Variants in SLC22A25 observed in about 807,000 individuals in gnomAD.
SLC22A25 encodes MGI:2442751, MGI:2385316, MGI:3042283, MGI:3645714, MGI:3605624, MGI:2442750.
In SLC22A25, 44 loss-of-function variants were observed where a neutral mutation model predicts 45.9. The observed-to-expected ratio is 0.96, with a 90% CI of 0.75 to 1.23. The LOEUF (loss-of-function observed/expected upper bound fraction) is 1.23. SLC22A25 is among the 50% of genes most tolerant of loss of function. The pLI, the probability that SLC22A25 is intolerant of heterozygous loss-of-function variation, is 0.00. For synonymous variants in SLC22A25, 283 were observed against 238.6 expected, an observed-to-expected ratio of 1.19 and a Z score of -1.72; for missense variants, 800 against 666.4, an observed-to-expected ratio of 1.20 and a Z score of -2.21.
chr11:63,210,261 G>C (rs775710574), intron 7 of SLC22A25, among the ~76,000 whole-genome samples: 1 of 152,092 alleles, frequency 6.6e-6, no homozygotes, highest in Admixed American at 6.6e-5. Context: ...AACAAACAAA[G>C]TATACATAAA....
At chr11:63,189,332 T>C (rs1291920889) in intron 7 of SLC22A25, among the ~76,000 whole-genome samples, 2 of 152,168 alleles carry the variant, frequency 1.3e-5, no homozygotes, top group African/African-American at 4.8e-5. Context: ...TCATTGTTGG[T>C]TTAAAGTCTG....
intron 7 of SLC22A25, among the ~76,000 whole-genome samples, chr11:63,187,276 G>C (rs1363028418): frequency 6.6e-6 from 1 of 152,110 alleles, no homozygotes; most frequent in African/African-American, 2.4e-5. Context: ...TTGTAAGTTG[G>C]ATTCCTAGGT....
chr11:63,190,528 A>C (rs1344881542), intron 7 of SLC22A25, among the ~76,000 whole-genome samples: 1 of 151,916 alleles, frequency 6.6e-6, no homozygotes, highest in African/African-American at 2.4e-5. Context: ...GATCATCTGA[A>C]GCCTTCTTCT....
chr11:63,197,894 C>A (rs1330105414), intron 7 of SLC22A25, among the ~76,000 whole-genome samples: 1 of 151,536 alleles, frequency 6.6e-6, no homozygotes, highest in Admixed American at 6.6e-5. Flanking sequence ...ATGAAACAAC[C>A]CCGTCAAAAA....
chr11:63,228,616 C>G (rs944378049), intron 4 of SLC22A25, 52 bp from the exon 5 acceptor site: 2 of 1,370,876 alleles, frequency 1.5e-6, no homozygotes, highest in Non-Finnish European at 2.0e-6. Context: ...TCAGTGTAAC[C>G]TTATCAAAAT....
intron 7 of SLC22A25, among the ~76,000 whole-genome samples, chr11:63,211,018 G>A (rs527355607): frequency 2.6e-5 from 4 of 152,224 alleles, no homozygotes; most frequent in Admixed American, 2.6e-4. Context: ...AAGGGCTGAG[G>A]AGTGGCAGCT....
intron 9 of SLC22A25, among the ~76,000 whole-genome samples, chr11:63,179,429 A>G (rs1330340740): frequency 6.6e-6 from 1 of 152,140 alleles, no homozygotes; most frequent in African/African-American, 2.4e-5. Context: ...CAGCCCAGAT[A>G]GAGATTCTGG....
intron 9 of SLC22A25, among the ~76,000 whole-genome samples, chr11:63,171,395 A>G (rs1413723193): frequency 6.6e-6 from 1 of 152,190 alleles, no homozygotes; most frequent in African/African-American, 2.4e-5. Context: ...ACATGATTGT[A>G]TATTTAGAAA....
chr11:63,230,267 G>A (rs559625633), intron 3 of SLC22A25, among the ~76,000 whole-genome samples, 171 bp from the exon 4 acceptor site: 2 of 152,350 alleles, frequency 1.3e-5, no homozygotes, highest in East Asian at 3.9e-4. Flanking sequence ...CACACTGGAA[G>A]TAAATTACTT....
chr11:63,209,268 G>T lies in SLC22A25; in HGVS notation c.830+8046C>A, dbSNP rs372675337. On this transcript the variant is annotated intron_variant, in intron 7 of 11. Coordinates refer to ENST00000306494, the MANE Select transcript of SLC22A25 (RefSeq NM_199352.6). ...TAGAGGGATACTGCAAGGCATTAGT[G>T]GCTCGGGCACCCAACCAAAGAAAGC... Among the ~76,000 whole-genome samples, 71 of 152,220 alleles carry T rather than the reference G, an allele frequency of 4.7e-4. 1 individual carries two copies. The South Asian group carries it at 0.014, about 31-fold the overall frequency.
intron 7 of SLC22A25, among the ~76,000 whole-genome samples, chr11:63,215,533 TAACA>T (rs1402882700): frequency 6.6e-6 from 1 of 152,182 alleles, no homozygotes. Flanking sequence ...TATATCTGTG[TAACA>T]AACCTGCACG....
chr11:63,195,279 A>G (rs1372724606), intron 7 of SLC22A25, among the ~76,000 whole-genome samples: 1 of 152,098 alleles, frequency 6.6e-6, no homozygotes, highest in African/African-American at 2.4e-5. Flanking sequence ...AGAACTCTCC[A>G]CCCCAAATCA....
chr11:63,224,346 T>C (rs993520394), intron 5 of SLC22A25, among the ~76,000 whole-genome samples: 1 of 152,182 alleles, frequency 6.6e-6, no homozygotes, highest in Non-Finnish European at 1.5e-5. Flanking sequence ...GCATTTCTTG[T>C]AGGCAACAGA....
intron 9 of SLC22A25, among the ~76,000 whole-genome samples, chr11:63,177,450 A>C (rs2088133361): frequency 6.6e-6 from 1 of 151,778 alleles, no homozygotes; most frequent in Non-Finnish European, 1.5e-5. Flanking sequence ...TTGTTAACTA[A>C]AGTCACCTAT....
chr11:63,207,746 AC>A (rs2089445749), intron 7 of SLC22A25, among the ~76,000 whole-genome samples: 1 of 152,182 alleles, frequency 6.6e-6, no homozygotes, highest in Non-Finnish European at 1.5e-5. Context: ...CATTGTGAAG[AC>A]CCTGTTTCTC....
intron 5 of SLC22A25, among the ~76,000 whole-genome samples, chr11:63,223,746 C>A (rs532781090): frequency 6.6e-6 from 1 of 152,106 alleles, no homozygotes; most frequent in South Asian, 2.1e-4. Flanking sequence ...TTGATGTAGG[C>A]ACTTATAGCT....
rs563305057 is a variant in SLC22A25, at chr11:63,243,566, G to A, written c.-1128C>T. The A allele has an allele frequency of 2.1e-5, 16 of 762,710 alleles. No homozygotes were observed. In the Admixed American group the frequency reaches 2.3e-4, roughly 11 times the overall value. The allele number at this position is 762,710 out of a possible 1,614,324, so 47.2% of individuals were successfully genotyped here. On this transcript the variant is annotated 5_prime_UTR_variant, in exon 1 of 12. Coordinates refer to ENST00000306494, the MANE Select transcript of SLC22A25 (RefSeq NM_199352.6). ...TGCCAAAAAGCTGTGCATTTATACC[G>A]ACAACTCCATCAAGCCTCAGGAGCT...
At chr11:63,223,678 T>A (rs1391256199) in intron 5 of SLC22A25, among the ~76,000 whole-genome samples, 2 of 152,086 alleles carry the variant, frequency 1.3e-5, no homozygotes, top group Admixed American at 6.5e-5. Context: ...TGCTCTTGCT[T>A]TTCTAGTTCT....
chr11:63,160,001 C>T lies in SLC22A25; in HGVS notation c.*3823G>A, dbSNP rs910012165. The stretch of plus-strand genomic sequence containing the variant: ...CAGAAGAAATTTTTAAGCAGCAAAG[C>T]ATTCAAGATGTGACGGGTGCTGTTA... On this transcript the variant is annotated 3_prime_UTR_variant, in exon 12 of 12. Coordinates refer to ENST00000306494, the MANE Select transcript of SLC22A25 (RefSeq NM_199352.6). Among the ~76,000 whole-genome samples the T allele has an allele frequency of 6.6e-6, 1 of 152,114 alleles. No individual in the cohort carries two copies.
Sources: allele counts gnomAD v4.1 joint callset (sites outside exome capture counted in the v4.1 genomes callset), GRCh38; gene constraint gnomAD v4.1.1; transcripts MANE v1.5; gene names NCBI Gene and HGNC (gene_info 2026-07-23, HGNC 2026-07-21).